The following VAV2 variants were observed in gnomAD, a reference collection of about 807,000 sequenced individuals.
VAV2 encodes the protein vav guanine nucleotide exchange factor 2.
A neutral mutation model predicts 132.5 loss-of-function variants in VAV2; 67 were observed. The ratio of observed to expected loss-of-function variants is 0.51; its 90% CI spans 0.42 to 0.62. The LOEUF is 0.62. VAV2 is among the 20% of genes least tolerant of loss of function. The pLI, the probability that VAV2 is intolerant of heterozygous loss-of-function variation, is 0.00. For synonymous variants in VAV2, 492 were observed against 443.5 expected (o/e 1.11, Z -1.37); for missense variants, 938 against 1,153.6 (o/e 0.81, Z 2.71).
chr9:133,969,496 A>T lies in VAV2; in HGVS notation c.204+22579T>A, dbSNP rs1389355491. ...CAGCACCACTGAGACAAGAAGCCTG[A>T]GGCCAACCAGGGAACCTCAGGGGTG... On this transcript the variant is annotated intron_variant, in intron 1 of 29. Coordinates refer to ENST00000371850, the MANE Select transcript of VAV2 (RefSeq NM_001134398.2). This position sits in a 1 kb window ranked among gnomAD's most constrained non-coding sequence, Gnocchi z 5.1. 6.6e-6 allele frequency among the ~76,000 whole-genome samples: 1 copy of T among 151,996 alleles called. No homozygotes were observed. The highest frequency in any genetic ancestry group is 1.5e-5 in the Non-Finnish European group (1 of 67,984).
In VAV2 at chr9:133,780,707, G is replaced by A; in HGVS notation, c.1727C>T (p.Ser576Phe). ...CTGGGGACTTACCAGATCTGCAGGA[G>A]AAGCTGGAAAGGAAGCAGGTCAGGT... is the stretch of plus-strand genomic sequence containing the variant. ...LEVIPPCKFT[S>F]PADLDASGAG... The change falls in exon 20 of 30, where the codon TCT becomes TTT. Residue 576 changes from serine to phenylalanine, a missense_variant. Transcript: ENST00000371850. 7.9e-7 allele frequency: 1 copy of A among 1,273,618 alleles called. No homozygotes were observed. The highest frequency in any genetic ancestry group is 1.0e-6 in the Non-Finnish European group (1 of 1,001,466). The allele number at this position is 1,273,618 out of a possible 1,614,324, so 78.9% of individuals were successfully genotyped here.
intron 2 of VAV2, among the ~76,000 whole-genome samples, chr9:133,897,382 C>G (rs1839253551): frequency 6.6e-6 from 1 of 152,194 alleles, no homozygotes; most frequent in Admixed American, 6.5e-5. Flanking sequence ...CTCACACCCA[C>G]AGCCCTGCTC....
In VAV2 at chr9:133,769,446, G is replaced by A; in HGVS notation, c.2405C>T (p.Ser802Phe). 6.2e-7 allele frequency: 1 copy of A among 1,613,224 alleles called. No individual in the cohort carries two copies. Among genetic ancestry groups the A allele is most frequent in the Non-Finnish European group, 8.5e-7 (1 of 1,179,564 alleles). ...CCAGAAGGGAGCGGAGGGGCCCTGA[G>A]AAGCAAAGCTGAGGCCCTGAGGACT... ...FLSPQGLSFA[S>F]QGPSAPFWSV... The change falls in exon 28 of 30, where the codon TCT (serine) becomes TTT (phenylalanine). Residue 802 changes from serine (S) to phenylalanine (F), a missense_variant. Physicochemically the swap from Ser to Phe is radical, Grantham distance 155. Coordinates refer to ENST00000371850, the MANE Select transcript of VAV2 (RefSeq NM_001134398.2). The surrounding 1 kb of genome is among the most constrained non-coding windows in gnomAD (Gnocchi z 8.1).
chr9:133,817,938 G>A (rs932472222), intron 4 of VAV2, among the ~76,000 whole-genome samples: 8 of 152,138 alleles, frequency 5.3e-5, no homozygotes, highest in East Asian at 1.9e-4. Flanking sequence ...CTGGTGAAGC[G>A]TTATTTCTAG....
At chr9:133,867,683 G>C (rs906080649) in intron 2 of VAV2, among the ~76,000 whole-genome samples, 1 of 152,252 alleles carries the variant, frequency 6.6e-6, no homozygotes, top group Non-Finnish European at 1.5e-5. Context: ...TGCTAGACCT[G>C]AGATGTCCCA....
chr9:133,956,994 ACCCACCCACCTGCCCAGCTC>A (rs1215113115), intron 1 of VAV2, among the ~76,000 whole-genome samples: 1 of 152,088 alleles, frequency 6.6e-6, no homozygotes, highest in African/African-American at 2.4e-5. Context: ...AGACTGCAGC[ACCCACCCACCTGCCCAGCTC>A]CCCACCCAGC....
chr9:133,901,906 G>A (rs571540670), intron 2 of VAV2, among the ~76,000 whole-genome samples: 10 of 152,308 alleles, frequency 6.6e-5, no homozygotes, highest in South Asian at 2.1e-4. Context: ...GGACAGCTGC[G>A]CTCCAGAGGC....
intron 1 of VAV2, among the ~76,000 whole-genome samples, chr9:133,955,107 G>T (rs1299798773): frequency 6.6e-6 from 1 of 151,972 alleles, no homozygotes; most frequent in African/African-American, 2.4e-5. Flanking sequence ...GGGAGGCAGC[G>T]GTGAGGTCGC....
At chr9:133,951,130 G>C (rs1349790907) in intron 1 of VAV2, among the ~76,000 whole-genome samples, 2 of 152,196 alleles carry the variant, frequency 1.3e-5, no homozygotes, top group Admixed American at 1.3e-4. Flanking sequence ...CAAGCAGGGG[G>C]GTAAAACTGA....
intron 2 of VAV2, among the ~76,000 whole-genome samples, chr9:133,892,890 C>A (rs557788690): frequency 6.6e-6 from 1 of 152,186 alleles, no homozygotes; most frequent in African/African-American, 2.4e-5. Context: ...AAGAGCCAAG[C>A]GGTCTCCATC....
At chr9:133,846,570 C>T (rs1323119526) in intron 3 of VAV2, among the ~76,000 whole-genome samples, 4 of 140,132 alleles carry the variant, frequency 2.9e-5, no homozygotes, top group African/African-American at 5.5e-5. Flanking sequence ...GCTGCCCTGG[C>T]CCCGGCCGCT....
chr9:133,854,293 A>ACC (rs1564407965), intron 3 of VAV2, among the ~76,000 whole-genome samples: 1 of 149,770 alleles, frequency 6.7e-6, no homozygotes, highest in African/African-American at 2.5e-5. Flanking sequence ...ACACACACAC[A>ACC]CCCATGTGCA....
At chr9:133,970,707 G>A (rs560681230) in intron 1 of VAV2, among the ~76,000 whole-genome samples, 3 of 152,278 alleles carry the variant, frequency 2.0e-5, no homozygotes, top group African/African-American at 7.2e-5. Context: ...GGCCCCAGGG[G>A]CAGGCAGCAG....
chr9:133,906,542 C>G (rs567801610), intron 2 of VAV2, among the ~76,000 whole-genome samples: 1 of 152,282 alleles, frequency 6.6e-6, no homozygotes, highest in Non-Finnish European at 1.5e-5. Context: ...CCACTGGGCC[C>G]GATCAGCCGG....
intron 1 of VAV2, among the ~76,000 whole-genome samples, chr9:133,967,739 C>T (rs772751500): frequency 8.8e-5 from 12 of 137,036 alleles, no homozygotes; most frequent in Admixed American, 2.3e-4. Flanking sequence ...TGAGACCAGC[C>T]CGCCCAACGT....
intron 1 of VAV2, among the ~76,000 whole-genome samples, chr9:133,942,120 G>A (rs1367561400): frequency 6.6e-6 from 1 of 152,216 alleles, no homozygotes; most frequent in African/African-American, 2.4e-5. Context: ...GAAAACCGGA[G>A]AAGACACTGA....
At chr9:133,813,611 G>A (rs1835442305) in intron 4 of VAV2, among the ~76,000 whole-genome samples, 1 of 152,256 alleles carries the variant, frequency 6.6e-6, no homozygotes, top group African/African-American at 2.4e-5. Flanking sequence ...GGGAAGCCGG[G>A]GGTGAGCCCA....
At chr9:133,797,680 G>A (rs764482620) in intron 10 of VAV2, 30 bp downstream of exon 10, 2 of 1,596,466 alleles carry the variant, frequency 1.3e-6, no homozygotes, top group Non-Finnish European at 1.7e-6. Flanking sequence ...CTTGGAGCCA[G>A]GGCCAGGGCC....
At chr9:133,904,881 T>G (rs1477311795) in intron 2 of VAV2, among the ~76,000 whole-genome samples, 1 of 152,228 alleles carries the variant, frequency 6.6e-6, no homozygotes, top group Non-Finnish European at 1.5e-5. Context: ...ATGGTGTTTT[T>G]GGCCCTCGTC....
Sources: allele counts gnomAD v4.1 joint callset (sites outside exome capture counted in the v4.1 genomes callset), GRCh38; gene constraint gnomAD v4.1.1; non-coding constraint Gnocchi (gnomAD v3.1); transcripts MANE v1.5; gene names NCBI Gene and HGNC (gene_info 2026-07-23, HGNC 2026-07-21).